GRM8: variants seen among roughly 807,000 people sequenced by gnomAD.
GRM8 encodes the protein glutamate metabotropic receptor 8.
Under a neutral mutation model 87.2 loss-of-function variants are expected in GRM8, and 47 were observed. That is an observed-to-expected ratio of 0.54 (90% CI 0.43 to 0.69). The LOEUF is 0.69. Ranked by LOEUF, GRM8 falls within the 30% of genes least tolerant of loss-of-function variation. The pLI is 0.00. For synonymous variants in GRM8, 396 were observed against 404.5 expected, an observed-to-expected ratio of 0.98 and a Z score of 0.25; for missense variants, 1,019 against 1,139.2, an observed-to-expected ratio of 0.89 and a Z score of 1.52.
chr7:126,503,824 A>G (rs1810006308), intron 9 of GRM8, among the ~76,000 whole-genome samples: 2 of 152,104 alleles, frequency 1.3e-5, no homozygotes, highest in East Asian at 1.9e-4. Flanking sequence ...AGTGGCATCT[A>G]TCACTTACGG....
intron 7 of GRM8, among the ~76,000 whole-genome samples, chr7:126,618,258 C>T (rs370460228): frequency 6.6e-6 from 1 of 151,954 alleles, no homozygotes; most frequent in African/African-American, 2.4e-5. Flanking sequence ...ACAAACCTGA[C>T]AAAAACAAGA....
At chr7:126,557,575 T>C (rs1365915781) in intron 8 of GRM8, among the ~76,000 whole-genome samples, 1 of 152,180 alleles carries the variant, frequency 6.6e-6, no homozygotes, top group African/African-American at 2.4e-5. Flanking sequence ...ACACTTCCTA[T>C]TATAAAATTC....
At chr7:126,648,025 T>C (rs1208067262) in intron 7 of GRM8, among the ~76,000 whole-genome samples, 2 of 152,190 alleles carry the variant, frequency 1.3e-5, no homozygotes, top group Non-Finnish European at 2.9e-5. Flanking sequence ...CTTAGCTGCA[T>C]CATATGTGCC....
chr7:126,702,980 A>T lies in GRM8; in HGVS notation c.1357+66885T>A, dbSNP rs144245313. On this transcript the variant is annotated intron_variant, in intron 7 of 10. Transcript: ENST00000339582. Reference sequence around the variant, plus strand: ...GGAAAAGACTTGGCACGTTCAAGCCACAAGAATAAAGTCACTGTTGCTGGA... The same window carrying T: ...GGAAAAGACTTGGCACGTTCAAGCCTCAAGAATAAAGTCACTGTTGCTGGA... Among the ~76,000 whole-genome samples the T allele has an allele frequency of 2.2e-3, 339 of 152,274 alleles. 3 individuals carry two copies. The highest frequency in any genetic ancestry group is 7.8e-3 in the African/African-American group (323 of 41,564).
At chr7:126,797,859 G>A (rs1199165370) in intron 6 of GRM8, among the ~76,000 whole-genome samples, 2 of 152,018 alleles carry the variant, frequency 1.3e-5, no homozygotes, top group Admixed American at 1.3e-4. Context: ...ATGAACTTTT[G>A]TCTGGCTCAA....
intron 9 of GRM8, among the ~76,000 whole-genome samples, chr7:126,509,356 T>C (rs1463526758): frequency 1.3e-5 from 2 of 152,056 alleles, no homozygotes; most frequent in Non-Finnish European, 2.9e-5. Flanking sequence ...AAGGTCATTA[T>C]TTTTGAGATT....
At chr7:127,212,325 T>G (rs925445094) in intron 2 of GRM8, among the ~76,000 whole-genome samples, 5 of 152,168 alleles carry the variant, frequency 3.3e-5, no homozygotes, top group Non-Finnish European at 7.3e-5. Flanking sequence ...AGTCTGAGGT[T>G]ATTTGGGTCA....
At chr7:126,442,826 G>T (rs1460127678) in intron 10 of GRM8, among the ~76,000 whole-genome samples, 2 of 151,956 alleles carry the variant, frequency 1.3e-5, no homozygotes, top group Non-Finnish European at 2.9e-5. Flanking sequence ...CAAAAGGACA[G>T]CAATGCTAAT....
intron 3 of GRM8, among the ~76,000 whole-genome samples, chr7:126,923,780 T>G (rs1478113543): frequency 6.6e-6 from 1 of 152,138 alleles, no homozygotes; most frequent in African/African-American, 2.4e-5. Context: ...GTATGAAATA[T>G]ATCAGTGGCT....
At chr7:127,201,441 T>C (rs1399812545) in intron 2 of GRM8, among the ~76,000 whole-genome samples, 5 of 152,200 alleles carry the variant, frequency 3.3e-5, no homozygotes, top group African/African-American at 9.6e-5. Flanking sequence ...CCTTCTCAAT[T>C]AAGCCTTCTT....
intron 2 of GRM8, among the ~76,000 whole-genome samples, chr7:127,120,372 C>A (rs892511884): frequency 1.3e-5 from 2 of 152,140 alleles, no homozygotes; most frequent in African/African-American, 4.8e-5. Flanking sequence ...AAGATAAATT[C>A]AACAGTATTG....
chr7:127,170,211 C>A (rs1793708662), intron 2 of GRM8, among the ~76,000 whole-genome samples: 1 of 152,018 alleles, frequency 6.6e-6, no homozygotes, highest in South Asian at 2.1e-4. Flanking sequence ...AGAAGATATA[C>A]AAACGGCCAA....
intron 3 of GRM8, among the ~76,000 whole-genome samples, chr7:127,080,363 C>T (rs1477559648): frequency 6.6e-6 from 1 of 152,170 alleles, no homozygotes; most frequent in Non-Finnish European, 1.5e-5. Context: ...AATTATTGGG[C>T]TTCTAACATC....
chr7:126,839,466 T>C (rs1796084355), intron 6 of GRM8, among the ~76,000 whole-genome samples: 1 of 152,154 alleles, frequency 6.6e-6, no homozygotes, highest in Admixed American at 6.5e-5. Flanking sequence ...GATCCAGATA[T>C]TAAAATAGTC....
intron 9 of GRM8, among the ~76,000 whole-genome samples, chr7:126,523,306 C>T (rs528878569): frequency 1.3e-5 from 2 of 152,238 alleles, no homozygotes; most frequent in East Asian, 3.9e-4. Flanking sequence ...TCTTACATCT[C>T]CTGATCCCAT....
At chr7:127,176,500 G>A (rs188225057) in intron 2 of GRM8, among the ~76,000 whole-genome samples, 4 of 152,278 alleles carry the variant, frequency 2.6e-5, no homozygotes, top group Non-Finnish European at 5.9e-5. Context: ...CTAGATTACA[G>A]CTCCAGAGAC....
At chr7:127,173,420 G>A (rs1465007577) in intron 2 of GRM8, among the ~76,000 whole-genome samples, 4 of 152,230 alleles carry the variant, frequency 2.6e-5, no homozygotes, top group Non-Finnish European at 4.4e-5. Context: ...TGCCTGGATC[G>A]TTCCAGGAAA....
At chr7:126,976,983 T>A (rs1435122013) in intron 3 of GRM8, among the ~76,000 whole-genome samples, 1 of 152,070 alleles carries the variant, frequency 6.6e-6, no homozygotes, top group Non-Finnish European at 1.5e-5. Context: ...AGATAAAGAC[T>A]GATTTGAAAT....
chr7:127,189,529 A>C (rs879493484), intron 2 of GRM8, among the ~76,000 whole-genome samples: 1 of 152,228 alleles, frequency 6.6e-6, no homozygotes, highest in African/African-American at 2.4e-5. Flanking sequence ...GGCTCAAATT[A>C]AGTGCATTTT....
Sources: allele counts gnomAD v4.1 joint callset (sites outside exome capture counted in the v4.1 genomes callset), GRCh38; gene constraint gnomAD v4.1.1; transcripts MANE v1.5; gene names NCBI Gene and HGNC (gene_info 2026-07-23, HGNC 2026-07-21).